IGF2R: variants seen among roughly 807,000 people sequenced by gnomAD.
IGF2R encodes insulin like growth factor 2 receptor, also known as cation-independent mannose-6-phosphate receptor.
A neutral mutation model predicts 270.6 loss-of-function variants in IGF2R; 91 were observed. That is an observed-to-expected ratio of 0.34 (90% confidence interval 0.28 to 0.40). IGF2R has a LOEUF of 0.40. Among genes scored for constraint, IGF2R ranks in the 10% least tolerant of loss-of-function variants. The pLI, the probability that IGF2R is intolerant of heterozygous loss-of-function variation, is 1.00. For synonymous variants in IGF2R, 1,316 were observed against 1,258.9 expected, an observed-to-expected ratio of 1.05 and a Z score of -0.96; for missense variants, 2,805 against 3,188.3, an observed-to-expected ratio of 0.88 and a Z score of 2.90.
intron 44 of IGF2R, chr6:160,094,531 A>G (rs1243527018): frequency 6.5e-6 from 1 of 153,826 alleles, no homozygotes; most frequent in Non-Finnish European, 1.4e-5. Flanking sequence ...ACCCCAAGCT[A>G]TGCCTGGTAT....
intron 37 of IGF2R, among the ~76,000 whole-genome samples, chr6:160,079,001 G>C (rs1778915596): frequency 6.6e-6 from 1 of 152,172 alleles, no homozygotes; most frequent in Non-Finnish European, 1.5e-5. Context: ...CCTGGACTGG[G>C]GTACGGAACC....
chr6:160,020,691 G>C (rs1391883144), intron 4 of IGF2R, among the ~76,000 whole-genome samples: 1 of 152,190 alleles, frequency 6.6e-6, no homozygotes, highest in African/African-American at 2.4e-5. Context: ...ACATACACTG[G>C]GGAAAGGACA....
chr6:160,045,938 T>C lies in IGF2R; in HGVS notation c.1903+56T>C. ...TGTGACTTGGAACCACTTAAGGTTT[T>C]TTCCTTAACATTCTGTGTGAGGTTT... On this transcript the variant is annotated intron_variant, in intron 14 of 47. Coordinates refer to ENST00000356956, the MANE Select transcript of IGF2R (RefSeq NM_000876.4). 2.8e-6 allele frequency: 4 copies of C among 1,426,198 alleles called. No homozygotes were observed. In the South Asian group the frequency reaches 6.0e-5, roughly 22 times the overall value. The allele number at this position is 1,426,198 out of a possible 1,614,324, so 88.3% of individuals were successfully genotyped here.
intron 2 of IGF2R, among the ~76,000 whole-genome samples, chr6:159,994,793 G>A (rs1422406965): frequency 6.6e-6 from 1 of 152,192 alleles, no homozygotes; most frequent in African/African-American, 2.4e-5. Context: ...TTATTCCGCT[G>A]TGATCTGGAA....
chr6:160,019,008 A>AT (rs1750073088), intron 4 of IGF2R, among the ~76,000 whole-genome samples: 1 of 152,178 alleles, frequency 6.6e-6, no homozygotes, highest in African/African-American at 2.4e-5. Flanking sequence ...AGTACAAAGG[A>AT]TAAAAAAAAT....
intron 4 of IGF2R, among the ~76,000 whole-genome samples, chr6:160,018,842 G>A (rs1001273777): frequency 3.3e-5 from 5 of 152,068 alleles, no homozygotes; most frequent in South Asian, 2.1e-4. Context: ...AGTTTATAGT[G>A]TTAAATGCCT....
chr6:160,055,532 G>A (rs142490791), intron 19 of IGF2R, among the ~76,000 whole-genome samples: 1 of 152,290 alleles, frequency 6.6e-6, no homozygotes, highest in East Asian at 1.9e-4. Context: ...TTGTGAAGTG[G>A]AAGGAGCAGG....
chr6:160,085,444 T>C (rs1779079943), intron 41 of IGF2R, among the ~76,000 whole-genome samples: 1 of 152,192 alleles, frequency 6.6e-6, no homozygotes, highest in Non-Finnish European at 1.5e-5. Flanking sequence ...TAGCTGTAGA[T>C]CAAGTGCCTA....
At chr6:159,987,356 T>A (rs1447571418) in intron 1 of IGF2R, among the ~76,000 whole-genome samples, 1 of 152,218 alleles carries the variant, frequency 6.6e-6, no homozygotes, top group Non-Finnish European at 1.5e-5. Context: ...ACCACATGAC[T>A]GTTTCTGAGC....
chr6:160,018,785 C>T (rs1777362368), intron 4 of IGF2R, among the ~76,000 whole-genome samples: 1 of 151,854 alleles, frequency 6.6e-6, no homozygotes, highest in Non-Finnish European at 1.5e-5. Context: ...AAAGTGGATA[C>T]ACAGCATAAA....
chr6:159,989,086 A>G (rs145978307), intron 1 of IGF2R, among the ~76,000 whole-genome samples: 11 of 152,272 alleles, frequency 7.2e-5, no homozygotes, highest in African/African-American at 2.4e-4. Context: ...AAGATTGGGC[A>G]CCTGAGTACC....
intron 10 of IGF2R, among the ~76,000 whole-genome samples, chr6:160,039,112 G>A (rs1234541930): frequency 3.3e-5 from 5 of 152,140 alleles, no homozygotes; most frequent in African/African-American, 1.2e-4. Flanking sequence ...GTCATTAGGC[G>A]ATTTTGTCAT....
chr6:160,039,245 T>C (rs1777889954), intron 10 of IGF2R, among the ~76,000 whole-genome samples: 1 of 152,254 alleles, frequency 6.6e-6, no homozygotes, highest in South Asian at 2.1e-4. Flanking sequence ...GTGAGTGTAC[T>C]GAATACTGCA....
intron 39 of IGF2R, among the ~76,000 whole-genome samples, 191 bp downstream of exon 39, chr6:160,080,466 C>A (rs150633427): frequency 2.5e-4 from 38 of 152,316 alleles, no homozygotes; most frequent in African/African-American, 7.7e-4. Context: ...GTAACCGTAT[C>A]TACAGACCGT....
intron 31 of IGF2R, among the ~76,000 whole-genome samples, chr6:160,070,748 C>G (rs1778700922): frequency 6.6e-6 from 1 of 152,210 alleles, no homozygotes; most frequent in Non-Finnish European, 1.5e-5. Context: ...CGGGCAAGAC[C>G]AGCTCGCTGG....
chr6:160,107,636 G>T lies in IGF2R; in HGVS notation c.*2552G>T, dbSNP rs536370199. On this transcript the variant is annotated 3_prime_UTR_variant, in exon 48 of 48. Transcript: ENST00000356956. ...CTTGAGACTGTCCATGAATGACAGAGACATAGAATAAGAACTGGGGTGCTA... is the reference window on the plus strand; with the variant it reads ...CTTGAGACTGTCCATGAATGACAGATACATAGAATAAGAACTGGGGTGCTA... 1 of 152,292 alleles carries T rather than the reference G, an allele frequency of 6.6e-6. No individual in the cohort carries two copies. 9.4% of individuals were successfully genotyped at this position (152,292 alleles called of 1,614,324 possible). A position where few individuals can be genotyped will look rare whatever the true frequency, so the allele number is the denominator to read the frequency against.
At chr6:159,978,524 C>T (rs1783729255) in intron 1 of IGF2R, among the ~76,000 whole-genome samples, 1 of 152,072 alleles carries the variant, frequency 6.6e-6, no homozygotes, top group South Asian at 2.1e-4. Flanking sequence ...GGGTCCTGTC[C>T]TCACTTAGGC....
intron 5 of IGF2R, among the ~76,000 whole-genome samples, chr6:160,026,127 G>A (rs539024015): frequency 1.5e-3 from 229 of 152,264 alleles, no homozygotes; most frequent in African/African-American, 5.4e-3. Flanking sequence ...TCCTCAGGGC[G>A]CTTGCTGTGT....
chr6:160,024,402 G>C (rs1777507694), intron 4 of IGF2R, among the ~76,000 whole-genome samples, 170 bp from the exon 5 acceptor site: 1 of 152,170 alleles, frequency 6.6e-6, no homozygotes, highest in Non-Finnish European at 1.5e-5. Flanking sequence ...CGAAAAGAAC[G>C]CAGAGGAGCC....
Sources: allele counts gnomAD v4.1 joint callset (sites outside exome capture counted in the v4.1 genomes callset), GRCh38; gene constraint gnomAD v4.1.1; transcripts MANE v1.5; gene names NCBI Gene and HGNC (gene_info 2026-07-23, HGNC 2026-07-21).